DGCR2: variants seen among roughly 807,000 people sequenced by gnomAD.
The protein encoded by DGCR2 is integral membrane protein DGCR2/IDD.
In DGCR2, 24 loss-of-function variants were observed where a neutral mutation model predicts 51.6. The observed-to-expected ratio is 0.47, with a 90% confidence interval of 0.34 to 0.65. The LOEUF is 0.65. Ranked by LOEUF, DGCR2 falls within the 30% of genes least tolerant of loss-of-function variation. The pLI, the probability that DGCR2 is intolerant of heterozygous loss-of-function variation, is 0.01. For missense variants in DGCR2, 765 were observed against 772.1 expected (o/e 0.99, Z 0.11); for synonymous variants, 340 against 315.4 (o/e 1.08, Z -0.82).
At chr22:19,085,046 G>A (rs1325575382) in intron 2 of DGCR2, among the ~76,000 whole-genome samples, 1 of 149,912 alleles carries the variant, frequency 6.7e-6, no homozygotes, top group African/African-American at 2.5e-5. Flanking sequence ...TGTGCAGAAA[G>A]AAGTAGACAT....
At position 19,098,251 on chromosome 22, in the gene DGCR2, CCTAA is replaced by C. The variant is rs527602519; in HGVS notation, c.80-8765_80-8762del. Among the ~76,000 whole-genome samples the C allele has an allele frequency of 1.3e-3, 203 of 152,300 alleles. 4 individuals carry two copies. Among genetic ancestry groups the C allele is most frequent in the South Asian group, 0.012 (57 of 4,826 alleles). Reference sequence around the variant, plus strand: ...CTCCAGGAACCCCTCCCCAAACTCCCCTAACTGAGTCGGCCTTCTTGGCCTAGCC... The same window carrying C: ...CTCCAGGAACCCCTCCCCAAACTCCCCTGAGTCGGCCTTCTTGGCCTAGCC... On this transcript the variant is annotated intron_variant, in intron 1 of 9. Coordinates refer to ENST00000263196, the MANE Select transcript of DGCR2 (RefSeq NM_005137.3).
At chr22:19,073,005 C>T (rs1053700336) in intron 2 of DGCR2, among the ~76,000 whole-genome samples, 1 of 152,048 alleles carries the variant, frequency 6.6e-6, no homozygotes, top group African/African-American at 2.4e-5. Context: ...ACCTGTAATC[C>T]CAACACTTTG....
chr22:19,072,018 T>G (rs1392307828), intron 2 of DGCR2, among the ~76,000 whole-genome samples: 1 of 152,096 alleles, frequency 6.6e-6, no homozygotes, highest in East Asian at 1.9e-4. Context: ...TTTTTATAGA[T>G]CTGAAATTAT....
In DGCR2 at chr22:19,057,197, T is replaced by C. The variant is rs766266419; in HGVS notation, c.626-35A>G. The C allele has an allele frequency of 3.8e-6, 6 of 1,560,518 alleles. No homozygotes were observed. The highest frequency in any genetic ancestry group is 5.2e-6 in the Non-Finnish European group (6 of 1,151,812). ...AGACAAAAGGTGGGGCTGGACAACA[T>C]CACATCAGAGGACAAGCTGTGCAGT... On this transcript the variant is annotated intron_variant, in intron 5 of 9. Transcript: ENST00000263196. The surrounding 1 kb of genome is among the most constrained non-coding windows in gnomAD (Gnocchi z 5.1).
chr22:19,066,980 G>A (rs996122895), intron 3 of DGCR2, among the ~76,000 whole-genome samples: 1 of 152,234 alleles, frequency 6.6e-6, no homozygotes, highest in Admixed American at 6.5e-5. Context: ...CGTTCGGGCT[G>A]TGGGCACAGG....
At chr22:19,063,138 G>C in intron 5 of DGCR2, 64 bp downstream of exon 5, 1 of 1,476,636 alleles carries the variant, frequency 6.8e-7, no homozygotes, top group Non-Finnish European at 9.5e-7. Context: ...AGGGAGGAGG[G>C]GAGGCCCCGA....
At position 19,056,986 on chromosome 22, in the gene DGCR2, T is replaced by C. The variant is rs368668778; in HGVS notation, c.802A>G (p.Ser268Gly). The change falls in exon 6 of 10, where the codon AGT (serine) becomes GGT (glycine). Residue 268 changes from serine to glycine, a missense_variant and splice_region_variant. By Grantham distance (56) the Ser-to-Gly change is moderately conservative. Around this residue, in one of 3 missense-constraint regions of DGCR2, gnomAD observed 190 missense variants for 265.2 expected, o/e 0.72. Coordinates refer to ENST00000263196, the MANE Select transcript of DGCR2 (RefSeq NM_005137.3). Reference sequence around the variant, plus strand: ...AGAACGCCAGCTCAAGGGGGCTTACTTCTTTTACACAGAAATGAAGACTTC... The same window carrying C: ...AGAACGCCAGCTCAAGGGGGCTTACCTCTTTTACACAGAAATGAAGACTTC... ...YEKSSFLCKR[S>G]QTCVDIKDNV... 3.7e-5 allele frequency: 58 copies of C among 1,579,442 alleles called. No individual in the cohort carries two copies. Among genetic ancestry groups the C allele is most frequent in the Non-Finnish European group, 4.6e-5 (54 of 1,161,982 alleles).
intron 2 of DGCR2, among the ~76,000 whole-genome samples, chr22:19,082,643 G>A (rs1045231817): frequency 3.3e-5 from 5 of 152,126 alleles, no homozygotes; most frequent in African/African-American, 4.8e-5. Context: ...CCAGCTACTC[G>A]GGAGGCTGAG....
rs142513620 is a variant in DGCR2 at position 19,041,833 on chromosome 22, C to T, written c.1133G>A (p.Arg378His). The change falls in exon 8 of 10, where the codon CGC (arginine) becomes CAC (histidine). Residue 378 changes from arginine (R) to histidine (H), a missense_variant. By Grantham distance (29) the Arg-to-His change is conservative. Coordinates refer to ENST00000263196, the MANE Select transcript of DGCR2 (RefSeq NM_005137.3). ...VHRLRQRRRE[R>H]IESLIGANLH... ...GTTTGCTCCAATCAGGGACTCGATG[C>T]GCTCCCGGCGCCGCTGGCGCAGCCG... 95 of 1,612,526 alleles carry T rather than the reference C, an allele frequency of 5.9e-5. No homozygotes were observed. The highest frequency in any genetic ancestry group is 1.9e-4 in the Middle Eastern group (1 of 5,212).
intron 1 of DGCR2, among the ~76,000 whole-genome samples, chr22:19,097,112 G>T (rs986968728): frequency 6.6e-6 from 1 of 152,054 alleles, no homozygotes; most frequent in Non-Finnish European, 1.5e-5. Context: ...GCAAACGTCA[G>T]CCAAGTCTTC....
chr22:19,053,363 GTA>G (rs1486807980), intron 6 of DGCR2, among the ~76,000 whole-genome samples: 7 of 152,194 alleles, frequency 4.6e-5, no homozygotes, highest in Admixed American at 2.0e-4. Flanking sequence ...CTCTAGAGAT[GTA>G]GCCCAAAGGG....
intron 2 of DGCR2, among the ~76,000 whole-genome samples, chr22:19,070,144 G>A (rs376796968): frequency 3.3e-5 from 5 of 152,268 alleles, no homozygotes; most frequent in South Asian, 2.1e-4. Flanking sequence ...TGCAGCACCC[G>A]ACACTCTGGG....
At chr22:19,117,618 T>C (rs572511771) in intron 1 of DGCR2, among the ~76,000 whole-genome samples, 19 of 152,202 alleles carry the variant, frequency 1.2e-4, no homozygotes, top group Non-Finnish European at 2.4e-4. Context: ...TACACAGATA[T>C]GCACATACAC....
chr22:19,076,776 T>G (rs1189461341), intron 2 of DGCR2, among the ~76,000 whole-genome samples: 90 of 134,566 alleles, frequency 6.7e-4, no homozygotes, highest in South Asian at 1.9e-3. Context: ...TCTCTCCCAG[T>G]CTGGAGTGCA....
At chr22:19,106,993 C>A (rs1406378784) in intron 1 of DGCR2, among the ~76,000 whole-genome samples, 4 of 152,052 alleles carry the variant, frequency 2.6e-5, no homozygotes, top group African/African-American at 9.7e-5. Flanking sequence ...CAAGGATGTA[C>A]CAACATATTG....
chr22:19,088,017 A>G (rs1465189932), intron 2 of DGCR2, among the ~76,000 whole-genome samples: 1 of 152,110 alleles, frequency 6.6e-6, no homozygotes, highest in Non-Finnish European at 1.5e-5. Flanking sequence ...ATACAATCTG[A>G]CCAGACCATC....
At chr22:19,090,263 T>A (rs977428303) in intron 1 of DGCR2, among the ~76,000 whole-genome samples, 1 of 152,104 alleles carries the variant, frequency 6.6e-6, no homozygotes, top group Non-Finnish European at 1.5e-5. Flanking sequence ...AGACACAACA[T>A]CTGAAGAAAC....
intron 6 of DGCR2, among the ~76,000 whole-genome samples, chr22:19,051,463 T>G (rs566696839): frequency 6.6e-6 from 1 of 152,216 alleles, no homozygotes; most frequent in African/African-American, 2.4e-5. Flanking sequence ...ACAAAACAGA[T>G]CATTAGTTCA....
intron 7 of DGCR2, chr22:19,045,428 G>GGAC (rs2082478678): frequency 2.0e-5 from 3 of 152,372 alleles, no homozygotes; most frequent in Non-Finnish European, 1.5e-5. Context: ...CTGGACTGTT[G>GGAC]TGTTCCACTG....
Sources: gnomAD v4.1 joint callset for allele counts (sites outside exome capture counted in the v4.1 genomes callset) on GRCh38, gnomAD v4.1.1 for gene constraint, gnomAD v4.1.1 regional missense constraint, Gnocchi (gnomAD v3.1) non-coding constraint, MANE v1.5 for transcripts, NCBI Gene and HGNC (gene_info 2026-07-23, HGNC 2026-07-21) for gene names.